Variants in RCSD1 observed in about 807,000 individuals in gnomAD.
RCSD1 encodes RCSD domain containing 1, also known as capZ-interacting protein.
RCSD1 carries 26 observed loss-of-function variants against 42.5 expected under a neutral mutation model. That is an observed-to-expected ratio of 0.61 (90% confidence interval 0.45 to 0.85). The LOEUF (loss-of-function observed/expected upper bound fraction) is 0.85, where lower values mean the gene tolerates loss of function less well. RCSD1 is among the 40% of genes least tolerant of loss of function. RCSD1 has a pLI of 0.00. For synonymous variants in RCSD1, 220 were observed against 212.2 expected (o/e 1.04, Z -0.32); for missense variants, 571 against 528.3 (o/e 1.08, Z -0.79).
intron 1 of RCSD1, among the ~76,000 whole-genome samples, chr1:167,663,274 T>G (rs1474826631): frequency 6.6e-6 from 1 of 152,154 alleles, no homozygotes; most frequent in Non-Finnish European, 1.5e-5. Flanking sequence ...ACTTGAGAAA[T>G]TATCCCCATC....
chr1:167,653,906 G>C (rs1441220983), intron 1 of RCSD1, among the ~76,000 whole-genome samples: 5 of 152,174 alleles, frequency 3.3e-5, no homozygotes, highest in Non-Finnish European at 7.3e-5. Context: ...AATAGGTTCA[G>C]AAGGCTGCAG....
chr1:167,697,334 C>T lies in RCSD1; in HGVS notation c.710C>T (p.Pro237Leu), dbSNP rs1300022206. 1 of 1,614,078 alleles carries T rather than the reference C, an allele frequency of 6.2e-7. No homozygotes were observed. Among genetic ancestry groups the T allele is most frequent in the South Asian group, 1.1e-5 (1 of 91,078 alleles). ...GVRTLGPAEK[P>L]PLRRSPSRTE... ...AGAACCCTGGGACCTGCTGAAAAGC[C>T]TCCTCTGAGGAGGTCACCCAGCAGG... Residue 237 changes from proline (P) to leucine (L), a missense_variant, in exon 6 of 7, where the codon CCT (proline) becomes CTT (leucine). Coordinates refer to ENST00000367854, the MANE Select transcript of RCSD1 (RefSeq NM_052862.4).
intron 1 of RCSD1, among the ~76,000 whole-genome samples, chr1:167,675,773 C>T (rs779977051): frequency 1.3e-5 from 2 of 152,172 alleles, no homozygotes; most frequent in Non-Finnish European, 2.9e-5. Context: ...GTCTGTTAAG[C>T]TCTTGCCTTA....
At chr1:167,700,459 T>C (rs1005594522) in intron 6 of RCSD1, among the ~76,000 whole-genome samples, 2 of 151,780 alleles carry the variant, frequency 1.3e-5, no homozygotes, top group African/African-American at 2.4e-5. Flanking sequence ...CCATCCTGGC[T>C]AACACAGTGA....
chr1:167,688,680 T>A lies in RCSD1; in HGVS notation c.199-1369T>A, dbSNP rs567546885. ...TGGGCTGTAAAAAGATCACGAGGAGTTCAGTTGGGTGAGCCTCCCTCCTTC... is the reference window on the plus strand; with the variant it reads ...TGGGCTGTAAAAAGATCACGAGGAGATCAGTTGGGTGAGCCTCCCTCCTTC... On this transcript the variant is annotated intron_variant, in intron 3 of 6. Transcript: ENST00000367854. Among the ~76,000 whole-genome samples, 6 of 152,006 alleles carry A rather than the reference T, an allele frequency of 3.9e-5. No homozygotes were observed. In the East Asian group the frequency reaches 9.7e-4, roughly 25 times the overall value.
rs71097689 is a variant in RCSD1 at position 167,630,721 on chromosome 1, TAAAAAAAAAAAAAA to T, written c.6+311_6+324del. On this transcript the variant is annotated intron_variant, in intron 1 of 6. Transcript: ENST00000367854. The stretch of plus-strand genomic sequence containing the variant: ...GTATTTTGGCTAGGAACTTAAATGC[TAAAAAAAAAAAAAA>T]AAAAAAAAAAAAAAAAAAGTTAGGT... The T allele has an allele frequency of 1.5e-3, 49 of 32,598 alleles. 2 individuals carry two copies. The highest frequency in any genetic ancestry group is 9.4e-3 in the South Asian group (6 of 636). The allele number at this position is 32,598 out of a possible 1,614,324, so 2.0% of individuals were successfully genotyped here.
intron 1 of RCSD1, among the ~76,000 whole-genome samples, chr1:167,662,981 T>C (rs535698764): frequency 9.8e-5 from 15 of 152,330 alleles, no homozygotes; most frequent in South Asian, 6.2e-4. Context: ...GCGTGGGTCT[T>C]AGGAAGCGTC....
At chr1:167,689,936 A>C in intron 3 of RCSD1, 113 bp from the exon 4 acceptor site, 1 of 973,132 alleles carries the variant, frequency 1.0e-6, no homozygotes, top group Admixed American at 2.0e-5. Flanking sequence ...AACTAATGAG[A>C]AAGTGGCAAC....
At chr1:167,695,217 A>T (rs765328983) in intron 5 of RCSD1, among the ~76,000 whole-genome samples, 2 of 152,282 alleles carry the variant, frequency 1.3e-5, no homozygotes, top group African/African-American at 2.4e-5. Flanking sequence ...CCCTGAAGGC[A>T]GAGAGGAACC....
intron 1 of RCSD1, among the ~76,000 whole-genome samples, chr1:167,634,646 TG>T (rs1179608748): frequency 6.6e-6 from 1 of 152,116 alleles, no homozygotes; most frequent in Admixed American, 6.6e-5. Flanking sequence ...TGAGGGCACT[TG>T]AAAAAAAGTA....
At chr1:167,649,587 C>T (rs16859367) in intron 1 of RCSD1, among the ~76,000 whole-genome samples, 2,430 of 152,122 alleles carry the variant, frequency 0.016, 69 homozygotes, top group African/African-American at 0.056. Flanking sequence ...TGGCTCTGGC[C>T]GTGGTTCAAG....
At chr1:167,696,023 T>C (rs1295832702) in intron 5 of RCSD1, among the ~76,000 whole-genome samples, 6 of 152,068 alleles carry the variant, frequency 3.9e-5, no homozygotes, top group Admixed American at 3.9e-4. Context: ...GGACCTGAGT[T>C]CTAGAAGCAA....
intron 1 of RCSD1, among the ~76,000 whole-genome samples, chr1:167,673,495 A>G (rs140466103): frequency 6.6e-6 from 1 of 152,226 alleles, no homozygotes; most frequent in Non-Finnish European, 1.5e-5. Flanking sequence ...GGAAGCTCAC[A>G]GTGAGTGTTG....
At chr1:167,682,406 T>A (rs2102230280) in intron 1 of RCSD1, among the ~76,000 whole-genome samples, 1 of 152,280 alleles carries the variant, frequency 6.6e-6, no homozygotes, top group African/African-American at 2.4e-5. Context: ...TGACCTCAAG[T>A]GATCAACTGC....
chr1:167,651,054 G>A (rs1351347583), intron 1 of RCSD1, among the ~76,000 whole-genome samples: 1 of 152,144 alleles, frequency 6.6e-6, no homozygotes, highest in Non-Finnish European at 1.5e-5. Flanking sequence ...CTCTGTGCGT[G>A]TCTGTGTCCT....
intron 1 of RCSD1, among the ~76,000 whole-genome samples, chr1:167,662,354 C>A (rs1658557996): frequency 2.0e-5 from 3 of 152,200 alleles, no homozygotes; most frequent in Non-Finnish European, 4.4e-5. Context: ...GCAGGCAGCA[C>A]ACTCGTGTGT....
intron 6 of RCSD1, among the ~76,000 whole-genome samples, chr1:167,698,961 G>T (rs554165281): frequency 6.6e-6 from 1 of 151,930 alleles, no homozygotes. Context: ...CACCACGCCC[G>T]GCTAATTTTT....
intron 1 of RCSD1, among the ~76,000 whole-genome samples, chr1:167,635,062 A>T (rs534168038): frequency 6.6e-5 from 10 of 152,198 alleles, no homozygotes; most frequent in Admixed American, 2.6e-4. Flanking sequence ...CACATTTTTT[A>T]AAATTATGGG....
Position 167,645,966 on chromosome 1 carries a change from G to T in RCSD1, c.6+15537G>T, listed in dbSNP as rs148163082. ...AGGGCCATTAATTAATCTAGAAGCCGAAATACCAGTTGAGAGGCCAAGGCA... is the reference window on the plus strand; with the variant it reads ...AGGGCCATTAATTAATCTAGAAGCCTAAATACCAGTTGAGAGGCCAAGGCA... On this transcript the variant is annotated intron_variant, in intron 1 of 6. Transcript: ENST00000367854. Among the ~76,000 whole-genome samples, 426 of 152,244 alleles carry T rather than the reference G, an allele frequency of 2.8e-3. 2 individuals carry two copies. Among genetic ancestry groups the T allele is most frequent in the African/African-American group, 9.7e-3 (401 of 41,534 alleles).
Sources: allele counts gnomAD v4.1 joint callset (sites outside exome capture counted in the v4.1 genomes callset), GRCh38; gene constraint gnomAD v4.1.1; transcripts MANE v1.5; gene names NCBI Gene and HGNC (gene_info 2026-07-23, HGNC 2026-07-21).